Variants in SGCZ observed in about 807,000 individuals in gnomAD.
SGCZ encodes the protein sarcoglycan zeta.
SGCZ carries 40 observed loss-of-function variants against 41.3 expected under a neutral mutation model. The ratio of observed to expected loss-of-function variants is 0.97; its 90% CI spans 0.75 to 1.26. The LOEUF (loss-of-function observed/expected upper bound fraction) is 1.26, where lower values mean the gene tolerates loss of function less well. Among genes scored for constraint, SGCZ ranks in the 50% most tolerant of loss-of-function variants. SGCZ has a pLI of 0.00. For missense variants in SGCZ, 552 were observed against 369.8 expected, an observed-to-expected ratio of 1.49 and a Z score of -4.04; for synonymous variants, 206 against 137.5, an observed-to-expected ratio of 1.50 and a Z score of -3.49.
At chr8:14,183,723 T>C (rs1804809329) in intron 4 of SGCZ, among the ~76,000 whole-genome samples, 2 of 152,272 alleles carry the variant, frequency 1.3e-5, no homozygotes, top group Admixed American at 6.5e-5. Context: ...CACTTGATAA[T>C]AATGAAATAT....
At chr8:14,231,160 AGTGTGTGTGTGT>A (rs71209027) in intron 4 of SGCZ, among the ~76,000 whole-genome samples, 11 of 112,036 alleles carry the variant, frequency 9.8e-5, no homozygotes, top group East Asian at 5.1e-4. Context: ...TCTTTGGGCA[AGTGTGTGTGTGT>A]GTGTGTGTGT....
chr8:14,404,194 A>C (rs1374619622), intron 2 of SGCZ, among the ~76,000 whole-genome samples: 1 of 152,222 alleles, frequency 6.6e-6, no homozygotes, highest in South Asian at 2.1e-4. Context: ...CTGTAATTGT[A>C]TCTATATACA....
intron 1 of SGCZ, among the ~76,000 whole-genome samples, chr8:15,107,257 G>C (rs529993825): frequency 1.3e-5 from 2 of 152,200 alleles, no homozygotes; most frequent in East Asian, 1.9e-4. Flanking sequence ...AGTTTGAATA[G>C]CATTAAAGTT....
At chr8:15,178,539 T>C (rs1353592952) in intron 1 of SGCZ, among the ~76,000 whole-genome samples, 3 of 152,192 alleles carry the variant, frequency 2.0e-5, no homozygotes, top group Non-Finnish European at 4.4e-5. Context: ...GTGCCCCTTA[T>C]TCTTTGTTTA....
intron 2 of SGCZ, among the ~76,000 whole-genome samples, chr8:14,539,957 A>G (rs17119762): frequency 0.33 from 49,798 of 151,830 alleles, 9,489 homozygotes; most frequent in African/African-American, 0.53. Context: ...AAGAACATGT[A>G]CAGTGAAAAG....
rs111326990 is a variant in SGCZ at position 14,875,727 on chromosome 8, G to A, written c.40-320801C>T. ...TAATAAAGTGAATGAGCTGTGATACGGGGGAAAGAATACAGTAGTAGGGCA... is the reference window on the plus strand; with the variant it reads ...TAATAAAGTGAATGAGCTGTGATACAGGGGAAAGAATACAGTAGTAGGGCA... On this transcript the variant is annotated intron_variant, in intron 1 of 7. Coordinates refer to ENST00000382080, the MANE Select transcript of SGCZ (RefSeq NM_139167.4). 3.8e-3 allele frequency among the ~76,000 whole-genome samples: 582 copies of A among 152,204 alleles called. 3 individuals are homozygous for A. Among genetic ancestry groups the A allele is most frequent in the African/African-American group, 0.013 (557 of 41,552 alleles).
intron 2 of SGCZ, among the ~76,000 whole-genome samples, chr8:14,417,821 C>T (rs1159772219): frequency 6.6e-6 from 1 of 151,532 alleles, no homozygotes; most frequent in Non-Finnish European, 1.5e-5. Context: ...ATTGAAATAT[C>T]ACATTATACA....
At chr8:15,034,082 G>A (rs759140868) in intron 1 of SGCZ, among the ~76,000 whole-genome samples, 6 of 117,256 alleles carry the variant, frequency 5.1e-5, no homozygotes, top group African/African-American at 1.7e-4. Flanking sequence ...TAGCACAAAA[G>A]AAAACCCACA....
chr8:15,167,208 A>G (rs1799690539), intron 1 of SGCZ, among the ~76,000 whole-genome samples: 2 of 152,126 alleles, frequency 1.3e-5, no homozygotes, highest in African/African-American at 4.8e-5. Flanking sequence ...ATAAGAATCC[A>G]TTTTTCTTTT....
chr8:14,567,744 G>T (rs567330488), intron 1 of SGCZ, among the ~76,000 whole-genome samples: 1 of 151,836 alleles, frequency 6.6e-6, no homozygotes, highest in South Asian at 2.1e-4. Context: ...GTGAAGGTCT[G>T]CAGCTTCACT....
At chr8:15,137,071 A>T (rs1373500348) in intron 1 of SGCZ, among the ~76,000 whole-genome samples, 1 of 152,216 alleles carries the variant, frequency 6.6e-6, no homozygotes, top group Non-Finnish European at 1.5e-5. Flanking sequence ...CTTTGACCAA[A>T]ATACCGATAA....
rs532259312 is a variant in SGCZ, at chr8:15,171,603, G to A, written c.39+65982C>T. Among the ~76,000 whole-genome samples the A allele has an allele frequency of 5.9e-5, 9 of 152,278 alleles. No individual in the cohort carries two copies. In the South Asian group the frequency reaches 1.9e-3, roughly 32 times the overall value. ...TCAATTAAGTTCAGATTTCTCTGCAGCCATAAAGTTTATTCCTATGAATTA... is the reference window on the plus strand; with the variant it reads ...TCAATTAAGTTCAGATTTCTCTGCAACCATAAAGTTTATTCCTATGAATTA... On this transcript the variant is annotated intron_variant, in intron 1 of 7. Coordinates refer to ENST00000382080, the MANE Select transcript of SGCZ (RefSeq NM_139167.4).
intron 1 of SGCZ, among the ~76,000 whole-genome samples, chr8:15,082,210 C>G (rs567632541): frequency 8.2e-4 from 124 of 151,886 alleles, no homozygotes; most frequent in African/African-American, 2.9e-3. Flanking sequence ...GCCTGGGCAA[C>G]ATAGCGAGAC....
intron 2 of SGCZ, among the ~76,000 whole-genome samples, chr8:14,548,284 G>A (rs1044550738): frequency 6.6e-6 from 1 of 152,100 alleles, no homozygotes; most frequent in Non-Finnish European, 1.5e-5. Context: ...AGGTTAGTTG[G>A]AGATGGTTTT....
At chr8:14,922,110 T>C (rs1000044983) in intron 1 of SGCZ, among the ~76,000 whole-genome samples, 74 of 152,058 alleles carry the variant, frequency 4.9e-4, no homozygotes, top group Non-Finnish European at 1.3e-4. Context: ...AGCTGCTTGA[T>C]TTCAAATATC....
chr8:15,205,051 T>G (rs984290130), intron 1 of SGCZ, among the ~76,000 whole-genome samples: 6 of 152,138 alleles, frequency 3.9e-5, no homozygotes, highest in African/African-American at 1.4e-4. Context: ...CTAAAAAAAG[T>G]TCAAGTTAAC....
chr8:14,753,917 C>T (rs1474028558), intron 1 of SGCZ, among the ~76,000 whole-genome samples: 2 of 152,142 alleles, frequency 1.3e-5, no homozygotes, highest in African/African-American at 4.8e-5. Flanking sequence ...ACTGTACTGC[C>T]TTTGCCTACA....
At chr8:14,431,075 G>C (rs1799930030) in intron 2 of SGCZ, among the ~76,000 whole-genome samples, 1 of 152,158 alleles carries the variant, frequency 6.6e-6, no homozygotes, top group African/African-American at 2.4e-5. Context: ...CCATGCTCAT[G>C]GATGAGTAGA....
rs1445015637 is a variant in SGCZ at position 14,161,621 on chromosome 8, G to C, written c.547+2959C>G. Among the ~76,000 whole-genome samples, 6 of 152,118 alleles carry C rather than the reference G, an allele frequency of 3.9e-5. No individual in the cohort carries two copies. In the South Asian group the frequency reaches 1.0e-3, roughly 26 times the overall value. On this transcript the variant is annotated intron_variant, in intron 5 of 7. Transcript: ENST00000382080. ...TTTGTGGGTGTTTCTTTCATTCTAA[G>C]TATTATGTTCCAACCTTTTACAATA...
Sources: allele counts gnomAD v4.1 joint callset (sites outside exome capture counted in the v4.1 genomes callset), GRCh38; gene constraint gnomAD v4.1.1; transcripts MANE v1.5; gene names NCBI Gene and HGNC (gene_info 2026-07-23, HGNC 2026-07-21).